Variants in TMCC1 observed in about 807,000 individuals in gnomAD.
TMCC1 encodes the protein transmembrane and coiled-coil domain family 1.
A neutral mutation model predicts 52.4 loss-of-function variants in TMCC1; 15 were observed. The observed-to-expected ratio is 0.29, with a 90% CI of 0.19 to 0.44. The LOEUF is 0.44. TMCC1 is among the 20% of genes least tolerant of loss of function. The pLI is 1.00. For missense variants in TMCC1, 503 were observed against 806.0 expected, an observed-to-expected ratio of 0.62 and a Z score of 4.55; for synonymous variants, 279 against 301.9, an observed-to-expected ratio of 0.92 and a Z score of 0.79.
At chr3:129,886,194 T>C (rs2108008788) in intron 1 of TMCC1, among the ~76,000 whole-genome samples, 1 of 152,290 alleles carries the variant, frequency 6.6e-6, no homozygotes, top group Admixed American at 6.5e-5. Flanking sequence ...TCTGACAGAA[T>C]TCTAGAGGAA....
chr3:129,811,294 T>C (rs1427942183), intron 4 of TMCC1, among the ~76,000 whole-genome samples: 1 of 152,092 alleles, frequency 6.6e-6, no homozygotes, highest in Non-Finnish European at 1.5e-5. Flanking sequence ...AGATAGGATA[T>C]CACTCTGTTG....
chr3:129,684,782 C>T (rs947013139), intron 4 of TMCC1, among the ~76,000 whole-genome samples: 5 of 152,054 alleles, frequency 3.3e-5, no homozygotes, highest in African/African-American at 7.2e-5. Flanking sequence ...TAGGTATCTG[C>T]GGGGTAGGAT....
At chr3:129,815,305 G>A (rs1047064818) in intron 4 of TMCC1, among the ~76,000 whole-genome samples, 1 of 152,018 alleles carries the variant, frequency 6.6e-6, no homozygotes. Flanking sequence ...AAGCAATCCT[G>A]AGCAAAAAGA....
At chr3:129,801,217 A>G (rs2057172306) in intron 4 of TMCC1, among the ~76,000 whole-genome samples, 1 of 151,892 alleles carries the variant, frequency 6.6e-6, no homozygotes, top group Non-Finnish European at 1.5e-5. Flanking sequence ...GTGAGCCACC[A>G]TGGCCAGCCT....
intron 4 of TMCC1, among the ~76,000 whole-genome samples, chr3:129,824,322 C>CGTGA (rs1485933339): frequency 1.3e-5 from 2 of 151,540 alleles, no homozygotes; most frequent in Middle Eastern, 3.4e-3. Flanking sequence ...GGTGACAGAG[C>CGTGA]GTGACTCTGT....
At chr3:129,754,697 A>G in intron 4 of TMCC1, among the ~76,000 whole-genome samples, 1 of 152,250 alleles carries the variant, frequency 6.6e-6, no homozygotes, top group African/African-American at 2.4e-5. Context: ...GCATATTTAC[A>G]TCTTATTACA....
At chr3:129,666,018 A>G (rs1415732939) in intron 5 of TMCC1, among the ~76,000 whole-genome samples, 1 of 152,184 alleles carries the variant, frequency 6.6e-6, no homozygotes, top group Non-Finnish European at 1.5e-5. Flanking sequence ...AGATACTAGT[A>G]AAATAAACTA....
At chr3:129,708,567 T>A (rs1479631471) in intron 4 of TMCC1, among the ~76,000 whole-genome samples, 1 of 152,230 alleles carries the variant, frequency 6.6e-6, no homozygotes, top group Non-Finnish European at 1.5e-5. Flanking sequence ...TTATCTAGAT[T>A]CCAACTCTGT....
intron 4 of TMCC1, among the ~76,000 whole-genome samples, chr3:129,824,304 C>G (rs2107825072): frequency 6.6e-6 from 1 of 152,228 alleles, no homozygotes; most frequent in Middle Eastern, 3.4e-3. Context: ...CCGCTGCACT[C>G]CAGCCTGGGT....
intron 2 of TMCC1, among the ~76,000 whole-genome samples, chr3:129,841,580 C>T (rs761522550): frequency 2.0e-5 from 3 of 151,954 alleles, no homozygotes; most frequent in Non-Finnish European, 4.4e-5. Flanking sequence ...GAGACTCCCT[C>T]TCAAAATAAT....
chr3:129,838,705 A>T (rs2059279349), intron 2 of TMCC1, among the ~76,000 whole-genome samples: 1 of 136,090 alleles, frequency 7.3e-6, no homozygotes, highest in East Asian at 2.4e-4. Flanking sequence ...GTGAGCCGAG[A>T]TCGCGCCAAT....
chr3:129,848,997 C>T (rs1054257615), intron 2 of TMCC1, among the ~76,000 whole-genome samples: 7 of 152,056 alleles, frequency 4.6e-5, no homozygotes, highest in Non-Finnish European at 5.9e-5. Context: ...GAATAAATGA[C>T]ACAATATGCA....
intron 4 of TMCC1, among the ~76,000 whole-genome samples, chr3:129,785,584 C>A (rs542322962): frequency 2.2e-5 from 3 of 136,812 alleles, no homozygotes; most frequent in Admixed American, 1.4e-4. Flanking sequence ...CACACACACA[C>A]AAACACACAC....
chr3:129,853,993 A>G (rs2060031890), intron 2 of TMCC1, among the ~76,000 whole-genome samples: 1 of 152,148 alleles, frequency 6.6e-6, no homozygotes, highest in Non-Finnish European at 1.5e-5. Flanking sequence ...CTCTGTCTAA[A>G]TGAGCCACCA....
At chr3:129,865,992 G>A (rs191279948) in intron 2 of TMCC1, among the ~76,000 whole-genome samples, 161 of 152,160 alleles carry the variant, frequency 1.1e-3, no homozygotes, top group African/African-American at 3.4e-3. Flanking sequence ...CATGAAGCTT[G>A]TATCAGAGAT....
At chr3:129,652,578 C>A (rs1216409445) in intron 6 of TMCC1, among the ~76,000 whole-genome samples, 1 of 152,076 alleles carries the variant, frequency 6.6e-6, no homozygotes, top group African/African-American at 2.4e-5. Context: ...TAAATCTCAC[C>A]CTATAAACCA....
chr3:129,659,010 T>C (rs1480773546), intron 5 of TMCC1, among the ~76,000 whole-genome samples: 1 of 152,134 alleles, frequency 6.6e-6, no homozygotes, highest in Non-Finnish European at 1.5e-5. Flanking sequence ...TTGAAAGAGA[T>C]TTAACTAGAC....
intron 4 of TMCC1, among the ~76,000 whole-genome samples, chr3:129,704,669 T>A (rs1297694804): frequency 6.6e-6 from 1 of 152,170 alleles, no homozygotes; most frequent in Admixed American, 6.5e-5. Context: ...TCCTCCCACC[T>A]CGGCCTCCCA....
At chr3:129,713,285 ATAAT>A (rs2048837315) in intron 4 of TMCC1, among the ~76,000 whole-genome samples, 1 of 152,176 alleles carries the variant, frequency 6.6e-6, no homozygotes, top group Non-Finnish European at 1.5e-5. Context: ...AATCTGGCAT[ATAAT>A]TAATTTAGTG....
Sources: gnomAD v4.1 joint callset for allele counts (sites outside exome capture counted in the v4.1 genomes callset) on GRCh38, gnomAD v4.1.1 for gene constraint, MANE v1.5 for transcripts, NCBI Gene and HGNC (gene_info 2026-07-23, HGNC 2026-07-21) for gene names.